BRSK2: variants seen among roughly 807,000 people sequenced by gnomAD.
BRSK2 encodes serine/threonine-protein kinase BRSK2.
Under a neutral mutation model 83.3 loss-of-function variants are expected in BRSK2, and 19 were observed. The ratio of observed to expected loss-of-function variants is 0.23; its 90% CI spans 0.16 to 0.33. The LOEUF (loss-of-function observed/expected upper bound fraction) is 0.33, where lower values mean the gene tolerates loss of function less well. Ranked by LOEUF, BRSK2 falls within the 10% of genes least tolerant of loss-of-function variation. The pLI is 1.00. For synonymous variants in BRSK2, 519 were observed against 435.4 expected, an observed-to-expected ratio of 1.19 and a Z score of -2.39; for missense variants, 798 against 1,042.3, an observed-to-expected ratio of 0.77 and a Z score of 3.23.
Position 1,460,660 on chromosome 11 carries a change from G to A in BRSK2, c.2148G>A (p.Glu716=). 1 of 1,526,894 alleles carries A rather than the reference G, an allele frequency of 6.5e-7. No homozygotes were observed. Among genetic ancestry groups the A allele is most frequent in the Non-Finnish European group, 8.8e-7 (1 of 1,142,138 alleles). 94.6% of individuals were successfully genotyped at this position (1,526,894 alleles called of 1,614,324 possible). A position where few individuals can be genotyped will look rare whatever the true frequency, so the allele number is the denominator to read the frequency against. The change falls in exon 20 of 20, where the codon GAG becomes GAA. Residue 716 remains glutamate, a synonymous_variant. Coordinates refer to ENST00000528841, the MANE Select transcript of BRSK2 (RefSeq NM_001256627.2). ...GCCCTGGCCCCGGAGGGGACGCCGA[G>A]TACCCAACGGGCAAGGACACGGCCA... The part of the protein sequence containing the change: ...AAGPGPGGDA[E]YPTGKDTAKM...
chr11:1,444,685 C>T (rs1376045410), intron 8 of BRSK2, among the ~76,000 whole-genome samples: 3 of 151,926 alleles, frequency 2.0e-5, no homozygotes, highest in African/African-American at 7.3e-5. Context: ...AGGCCCCTGC[C>T]CCTACCTGGA....
intron 1 of BRSK2, among the ~76,000 whole-genome samples, chr11:1,396,082 C>T (rs145834251): frequency 2.2e-4 from 34 of 152,294 alleles, no homozygotes; most frequent in Admixed American, 1.0e-3. Context: ...CGTTGGCTGC[C>T]GAGGTGGCCA....
Position 1,460,741 on chromosome 11 carries a change from C to G in BRSK2, c.*18C>G, listed in dbSNP as rs752377489. ...AGCCTTAGACACACTAGCCCCCCCCCCCAGCACAGCACTGACAGCGGCTGC... is the reference window on the plus strand; with the variant it reads ...AGCCTTAGACACACTAGCCCCCCCCGCCAGCACAGCACTGACAGCGGCTGC... On this transcript the variant is annotated 3_prime_UTR_variant, in exon 20 of 20. Coordinates refer to ENST00000528841, the MANE Select transcript of BRSK2 (RefSeq NM_001256627.2). The G allele has an allele frequency of 1.4e-4, 204 of 1,413,868 alleles. No individual in the cohort carries two copies. The highest frequency in any genetic ancestry group is 2.1e-4 in the East Asian group (8 of 37,274). The allele number at this position is 1,413,868 out of a possible 1,614,324, so 87.6% of individuals were successfully genotyped here.
chr11:1,410,951 G>A, intron 1 of BRSK2: 1 of 988,462 alleles, frequency 1.0e-6, no homozygotes, highest in Non-Finnish European at 1.2e-6. Flanking sequence ...TGCTGGCTGG[G>A]GTGGGGGCTC....
Position 1,461,358 on chromosome 11 carries a change from G to A in BRSK2, c.*635G>A, listed in dbSNP as rs1040228072. The A allele has an allele frequency of 1.2e-5, 4 of 332,502 alleles. No homozygotes were observed. The highest frequency in any genetic ancestry group is 4.5e-5 in the African/African-American group (2 of 43,970). The allele number at this position is 332,502 out of a possible 1,614,324, so 20.6% of individuals were successfully genotyped here. A position where few individuals can be genotyped will look rare whatever the true frequency, so the allele number is the denominator to read the frequency against. ...CGTGCCCCGCCTCCCTGGCTGCGCC[G>A]CCTCCGTGTAGTCTTGGCCTCCTCA... On this transcript the variant is annotated 3_prime_UTR_variant, in exon 20 of 20. Transcript: ENST00000528841.
Position 1,442,514 on chromosome 11 carries a change from C to T in BRSK2, c.438C>T (p.Asn146=), listed in dbSNP as rs1851483383. ...GCCACAGGGATCTGAAACCTGAAAA[C>T]CTCCTGCTGGACGAGAAGAACAACA... ...SICHRDLKPE[N]LLLDEKNNIR... Residue 146 remains asparagine (N), a synonymous_variant, in exon 5 of 20, where the codon AAC becomes AAT. Coordinates refer to ENST00000528841, the MANE Select transcript of BRSK2 (RefSeq NM_001256627.2). 3 of 1,612,976 alleles carry T rather than the reference C, an allele frequency of 1.9e-6. No homozygotes were observed. The highest frequency in any genetic ancestry group is 2.5e-6 in the Non-Finnish European group (3 of 1,179,752).
chr11:1,410,604 G>A (rs901966499), intron 1 of BRSK2: 124 of 985,250 alleles, frequency 1.3e-4, no homozygotes, highest in Non-Finnish European at 1.3e-4. Flanking sequence ...CGGGGGCTCC[G>A]AGTGCAGGGC....
rs898409522 is a variant in BRSK2, at chr11:1,435,912, C to T, written c.92-128C>T. The T allele has an allele frequency of 6.5e-5, 42 of 645,908 alleles. No individual in the cohort carries two copies. In the East Asian group the frequency reaches 6.6e-4, roughly 10 times the overall value. The allele number at this position is 645,908 out of a possible 1,614,324, so 40.0% of individuals were successfully genotyped here. A position where few individuals can be genotyped will look rare whatever the true frequency, so the allele number is the denominator to read the frequency against. ...AGCGACCCAGGCGGGCAGGGGCCTC[C>T]GGCCCTGGAGCGGGTGGGACCCCTG... On this transcript the variant is annotated intron_variant, in intron 1 of 19. Transcript: ENST00000528841.
intron 1 of BRSK2, among the ~76,000 whole-genome samples, chr11:1,397,261 G>T (rs531112095): frequency 6.6e-6 from 1 of 152,324 alleles, no homozygotes; most frequent in Non-Finnish European, 1.5e-5. Flanking sequence ...CCAGCTGCCT[G>T]GGGCTCTGGA....
chr11:1,410,507 C>T (rs1847354788), intron 1 of BRSK2: 2 of 985,392 alleles, frequency 2.0e-6, no homozygotes, highest in Non-Finnish European at 1.2e-6. Flanking sequence ...GCTGGGCCCG[C>T]AGACTTCGGT....
rs1158299113 is a variant in BRSK2 at position 1,390,316 on chromosome 11, A to T, written c.32A>T (p.Gln11Leu). Reference protein sequence around the residue: MTSTGKDGGAQHAQYVGPYRL... With the variant: MTSTGKDGGALHAQYVGPYRL... ...TCGACGGGGAAGGACGGCGGCGCGC[A>T]GCACGCGCAGTATGTTGGGCCCTAC... Residue 11 changes from glutamine to leucine, a missense_variant, in exon 1 of 20, where the codon CAG (glutamine) becomes CTG (leucine). Gln to Leu is a moderately radical substitution (Grantham distance 113). Around this residue, in one of 6 missense-constraint regions of BRSK2, gnomAD observed 33 missense variants for 30.8 expected, o/e 1.07. Transcript: ENST00000528841. The surrounding 1 kb of genome is among the most constrained non-coding windows in gnomAD (Gnocchi z 6.8). The T allele has an allele frequency of 2.9e-6, 3 of 1,046,876 alleles. No individual in the cohort carries two copies. Among genetic ancestry groups the T allele is most frequent in the Non-Finnish European group, 3.5e-6 (3 of 860,092 alleles). The allele number at this position is 1,046,876 out of a possible 1,614,324, so 64.8% of individuals were successfully genotyped here.
chr11:1,460,125 G>A (rs1296198637), intron 19 of BRSK2, among the ~76,000 whole-genome samples: 1 of 148,844 alleles, frequency 6.7e-6, no homozygotes, highest in East Asian at 2.0e-4. Flanking sequence ...TCCGGGCCAG[G>A]CCTTGGTGGG....
At chr11:1,456,891 T>A in intron 18 of BRSK2, 11 of 1,552,930 alleles carry the variant, frequency 7.1e-6, no homozygotes, top group Non-Finnish European at 8.7e-6. Flanking sequence ...CCGCCTCGCC[T>A]CTGCACGCCA....
In BRSK2 at chr11:1,442,532, G is replaced by T; in HGVS notation, c.456G>T (p.Lys152Asn). The change falls in exon 5 of 20, where the codon AAG becomes AAT. Residue 152 changes from lysine to asparagine, a missense_variant. Physicochemically the swap from Lys to Asn is moderately conservative, Grantham distance 94. Around this residue, in one of 6 missense-constraint regions of BRSK2, gnomAD observed 109 missense variants for 259.2 expected, o/e 0.42. Coordinates refer to ENST00000528841, the MANE Select transcript of BRSK2 (RefSeq NM_001256627.2). ...CTGAAAACCTCCTGCTGGACGAGAA[G>T]AACAACATCCGCATCGCAGACTTTG... ...LKPENLLLDE[K>N]NNIRIADFGM... 1.2e-6 allele frequency: 2 copies of T among 1,613,198 alleles called. No homozygotes were observed. Among genetic ancestry groups the T allele is most frequent in the South Asian group, 1.1e-5 (1 of 91,082 alleles).
intron 1 of BRSK2, among the ~76,000 whole-genome samples, chr11:1,427,054 C>G (rs1849316634): frequency 6.6e-6 from 1 of 152,150 alleles, no homozygotes; most frequent in Non-Finnish European, 1.5e-5. Flanking sequence ...CCCCAGGGCC[C>G]CCTACCCAAA....
intron 12 of BRSK2, among the ~76,000 whole-genome samples, chr11:1,446,961 A>G (rs538922198): frequency 1.3e-5 from 2 of 152,104 alleles, no homozygotes; most frequent in Non-Finnish European, 1.5e-5. Flanking sequence ...GGGAACTGCA[A>G]GGTAGCTTGG....
chr11:1,400,534 A>G (rs952060071), intron 1 of BRSK2, among the ~76,000 whole-genome samples: 1 of 152,116 alleles, frequency 6.6e-6, no homozygotes, highest in Non-Finnish European at 1.5e-5. Flanking sequence ...ACCCGTCCAC[A>G]TCCTTCCTGG....
rs556584969 is a variant in BRSK2, at chr11:1,425,156, C to T, written c.92-10884C>T. On this transcript the variant is annotated intron_variant, in intron 1 of 19. Transcript: ENST00000528841. Reference sequence around the variant, plus strand: ...GCGCTGCGTGGCCGGTCGGTCCCGGCGCTCTCAGCACTTGGAGTCTCAGCT... The same window carrying T: ...GCGCTGCGTGGCCGGTCGGTCCCGGTGCTCTCAGCACTTGGAGTCTCAGCT... Among the ~76,000 whole-genome samples, 13 of 152,346 alleles carry T rather than the reference C, an allele frequency of 8.5e-5. 1 individual carries two copies. In the East Asian group the frequency reaches 1.2e-3, roughly 14 times the overall value.
rs1845622005 is a variant in BRSK2 at position 1,389,993 on chromosome 11, G to GCGGGCCT, written c.-288_-282dup. On this transcript the variant is annotated 5_prime_UTR_variant, in exon 1 of 20. Coordinates refer to ENST00000528841, the MANE Select transcript of BRSK2 (RefSeq NM_001256627.2). This position sits in a 1 kb window ranked among gnomAD's most constrained non-coding sequence, Gnocchi z 4.1. The stretch of plus-strand genomic sequence containing the variant: ...GCGCTGGGGGCGCGGGGCGCGGGGC[G>GCGGGCCT]CGGGCCTCGGCGGCGGCGGCGGCGG... 1 of 147,136 alleles carries GCGGGCCT rather than the reference G, an allele frequency of 6.8e-6. No individual in the cohort carries two copies. The highest frequency in any genetic ancestry group is 6.8e-5 in the Admixed American group (1 of 14,630). The allele number at this position is 147,136 out of a possible 1,614,324, so 9.1% of individuals were successfully genotyped here.
Sources: gnomAD v4.1 joint callset for allele counts (sites outside exome capture counted in the v4.1 genomes callset) on GRCh38, gnomAD v4.1.1 for gene constraint, gnomAD v4.1.1 regional missense constraint, Gnocchi (gnomAD v3.1) non-coding constraint, MANE v1.5 for transcripts, NCBI Gene and HGNC (gene_info 2026-07-23, HGNC 2026-07-21) for gene names.